ABCA4: variants seen among roughly 807,000 people sequenced by gnomAD.
ABCA4 encodes the protein ATP binding cassette subfamily A member 4, also known as retinal-specific phospholipid-transporting ATPase ABCA4.
In ABCA4, 196 loss-of-function variants were observed where a neutral mutation model predicts 263.7. That is an observed-to-expected ratio of 0.74 (90% confidence interval 0.66 to 0.84). The LOEUF (loss-of-function observed/expected upper bound fraction) is 0.84. Ranked by LOEUF, ABCA4 falls within the 40% of genes least tolerant of loss-of-function variation. The pLI is 0.00. For synonymous variants in ABCA4, 1,133 were observed against 1,094.2 expected (o/e 1.04, Z -0.70); for missense variants, 2,792 against 2,855.1 (o/e 0.98, Z 0.50).
chr1:94,025,116 G>A (rs1660004065), intron 30 of ABCA4, 68 bp from the exon 31 acceptor site: 2 of 1,312,302 alleles, frequency 1.5e-6, no homozygotes, highest in Non-Finnish European at 2.2e-6. Context: ...TTGTGAAACT[G>A]CTTGTTGTCT....
chr1:94,104,124 T>G (rs1476178674), intron 4 of ABCA4, among the ~76,000 whole-genome samples: 1 of 152,146 alleles, frequency 6.6e-6, no homozygotes, highest in East Asian at 1.9e-4. Context: ...TCCTGGGAGA[T>G]TCACACAAGC....
Position 94,121,005 on chromosome 1 carries a change from T to C in ABCA4, c.41A>G (p.Asn14Ser). Residue 14 changes from asparagine (N) to serine (S), a missense_variant, in exon 1 of 50, where the codon AAC becomes AGC. By Grantham distance (46) the Asn-to-Ser change is conservative. Coordinates refer to ENST00000370225, the MANE Select transcript of ABCA4 (RefSeq NM_000350.3). The stretch of plus-strand genomic sequence containing the variant: ...CTTTTGCCTTTTCCGCAGGGTCCAG[T>C]TCTTCCAGAGCAAAAGCTGTATCTG... ...VRQIQLLLWK[N>S]WTLRKRQKIR... 6.2e-7 allele frequency: 1 copy of C among 1,613,682 alleles called. No individual in the cohort carries two copies. Among genetic ancestry groups the C allele is most frequent in the Non-Finnish European group, 8.5e-7 (1 of 1,179,932 alleles).
intron 49 of ABCA4, 86 bp downstream of exon 49, chr1:93,996,023 T>C: frequency 7.7e-7 from 1 of 1,294,098 alleles, no homozygotes; most frequent in Admixed American, 1.8e-5. Flanking sequence ...TATCTGAGCC[T>C]TGGAGCAACT....
intron 14 of ABCA4, among the ~76,000 whole-genome samples, chr1:94,058,925 A>G (rs1256297275): frequency 2.0e-5 from 3 of 152,220 alleles, no homozygotes; most frequent in East Asian, 1.9e-4. Context: ...AGACAAGGGA[A>G]AGGTGGGAGA....
chr1:93,997,312 C>A (rs1659034074), intron 48 of ABCA4, among the ~76,000 whole-genome samples: 1 of 152,114 alleles, frequency 6.6e-6, no homozygotes. Context: ...GACTAGAGTG[C>A]AGTGGTATGA....
intron 16 of ABCA4, among the ~76,000 whole-genome samples, chr1:94,052,593 CA>C (rs1033640676): frequency 1.3e-5 from 2 of 152,258 alleles, no homozygotes; most frequent in African/African-American, 4.8e-5. Flanking sequence ...GAATTATGCA[CA>C]AATTTCAATT....
At position 94,080,737 on chromosome 1, in the gene ABCA4, T is replaced by C. The variant is rs768390942; in HGVS notation, c.859-19A>G. On this transcript the variant is annotated intron_variant, in intron 7 of 49. Transcript: ENST00000370225. The stretch of plus-strand genomic sequence containing the variant: ...GGATAAACTAGGGCAAGGCAAAGTC[T>C]TCAGGTTATTTTAAGGCAGCTAGAG... 10 of 1,614,142 alleles carry C rather than the reference T, an allele frequency of 6.2e-6. No individual in the cohort carries two copies. The East Asian group carries it at 1.6e-4, about 25-fold the overall frequency.
chr1:94,036,008 T>C (rs1422588929), intron 26 of ABCA4, among the ~76,000 whole-genome samples: 1 of 152,204 alleles, frequency 6.6e-6, no homozygotes, highest in African/African-American at 2.4e-5. Flanking sequence ...AAAATGATTT[T>C]ATGTTGATCT....
In ABCA4 at chr1:94,108,655, G is replaced by T. The variant is rs1344635783; in HGVS notation, c.364C>A (p.Leu122Ile). The change falls in exon 4 of 50, where the codon CTT becomes ATT. Residue 122 changes from leucine to isoleucine, a missense_variant. Leu to Ile is a conservative substitution (Grantham distance 5). Transcript: ENST00000370225. The stretch of plus-strand genomic sequence containing the variant: ...TGTAGCTCTGTCCAAATACGGCCAA[G>T]GTGCTGGCTCTCTGGTGCATTCATG... ...LLMNAPESQH[L>I]GRIWTELHIL... is the part of the protein sequence containing the mutation. 1 of 1,614,040 alleles carries T rather than the reference G, an allele frequency of 6.2e-7. No individual in the cohort carries two copies. Among genetic ancestry groups the T allele is most frequent in the Admixed American group, 1.7e-5 (1 of 60,030 alleles).
At chr1:94,086,954 G>A (rs1163099096) in intron 6 of ABCA4, among the ~76,000 whole-genome samples, 6 of 152,188 alleles carry the variant, frequency 3.9e-5, no homozygotes, top group Non-Finnish European at 8.8e-5. Flanking sequence ...AGATCTGGCA[G>A]CTGGGAAGTC....
intron 6 of ABCA4, 122 bp downstream of exon 6, chr1:94,098,672 C>G: frequency 8.5e-7 from 1 of 1,180,208 alleles, no homozygotes. Flanking sequence ...CCCTGGGAGC[C>G]TGGAGCTTTT....
At chr1:94,107,546 C>A (rs893076428) in intron 4 of ABCA4, among the ~76,000 whole-genome samples, 1 of 152,200 alleles carries the variant, frequency 6.6e-6, no homozygotes, top group Non-Finnish European at 1.5e-5. Flanking sequence ...TTGTTCTTCT[C>A]CTGGGGAGGA....
chr1:93,997,336 C>T (rs1053124821), intron 48 of ABCA4, among the ~76,000 whole-genome samples: 3 of 152,218 alleles, frequency 2.0e-5, no homozygotes, highest in African/African-American at 7.2e-5. Context: ...CAGCTCATTG[C>T]AGCCTTGACC....
intron 11 of ABCA4, among the ~76,000 whole-genome samples, chr1:94,076,071 G>A (rs549970624): frequency 2.6e-5 from 4 of 152,214 alleles, no homozygotes; most frequent in Non-Finnish European, 5.9e-5. Flanking sequence ...GTCATTTCAG[G>A]CATTGGTGGA....
chr1:94,093,927 C>G (rs1010557454), intron 6 of ABCA4, among the ~76,000 whole-genome samples: 1 of 151,926 alleles, frequency 6.6e-6, no homozygotes, highest in Non-Finnish European at 1.5e-5. Flanking sequence ...TTTCATAAAA[C>G]CCCCCAAAAA....
rs147505713 is a variant in ABCA4 at position 93,996,563 on chromosome 1, C to G, written c.6730-368G>C. Among the ~76,000 whole-genome samples the G allele has an allele frequency of 2.6e-3, 397 of 152,308 alleles. 1 individual carries two copies. Among genetic ancestry groups the G allele is most frequent in the Middle Eastern group, 6.8e-3 (2 of 294 alleles). On this transcript the variant is annotated intron_variant, in intron 48 of 49. Coordinates refer to ENST00000370225, the MANE Select transcript of ABCA4 (RefSeq NM_000350.3). ...TCCTCATTGAGTGTGCAGGTGGCTC[C>G]TGCTCGTGCCTCCCTCTGCTTAATG...
At position 94,011,249 on chromosome 1, in the gene ABCA4, G is replaced by A. The variant is rs767882054; in HGVS notation, c.5584+13C>T. On this transcript the variant is annotated intron_variant, in intron 39 of 49. Coordinates refer to ENST00000370225, the MANE Select transcript of ABCA4 (RefSeq NM_000350.3). ...CCAGGGCCCATGCTCCATGGGCCTC[G>A]GCTACCACCCACCAAACCGGGCATA... 38 of 1,613,746 alleles carry A rather than the reference G, an allele frequency of 2.4e-5. No homozygotes were observed. Among genetic ancestry groups the A allele is most frequent in the South Asian group, 1.4e-4 (13 of 91,040 alleles).
At chr1:94,002,431 G>A (rs1038392876) in intron 44 of ABCA4, among the ~76,000 whole-genome samples, 8 of 152,228 alleles carry the variant, frequency 5.3e-5, no homozygotes, top group Admixed American at 4.6e-4. Flanking sequence ...CTGACCATAC[G>A]CCAGGCACTG....
chr1:94,026,238 C>CT (rs1340510130), intron 30 of ABCA4, among the ~76,000 whole-genome samples: 2 of 152,138 alleles, frequency 1.3e-5, no homozygotes, highest in African/African-American at 4.8e-5. Context: ...TCCCATTTGA[C>CT]TTTCCTCTTC....
Sources: allele counts gnomAD v4.1 joint callset (sites outside exome capture counted in the v4.1 genomes callset), GRCh38; gene constraint gnomAD v4.1.1; transcripts MANE v1.5; gene names NCBI Gene and HGNC (gene_info 2026-07-23, HGNC 2026-07-21).